The following GREB1L variants were observed in gnomAD, a reference collection of about 807,000 sequenced individuals.
GREB1L encodes GREB1 like retinoic acid receptor coactivator.
Under a neutral mutation model 200.8 loss-of-function variants are expected in GREB1L, and 17 were observed. The observed-to-expected ratio is 0.08, with a 90% CI of 0.06 to 0.13. GREB1L has a LOEUF of 0.13. Ranked by LOEUF, GREB1L falls within the 10% of genes least tolerant of loss-of-function variation. GREB1L has a pLI of 1.00. For synonymous variants in GREB1L, 789 were observed against 893.0 expected, an observed-to-expected ratio of 0.88 and a Z score of 2.08; for missense variants, 1,657 against 2,367.7, an observed-to-expected ratio of 0.70 and a Z score of 6.23.
At chr18:21,386,384 C>T (rs1209856602) in intron 4 of GREB1L, among the ~76,000 whole-genome samples, 1 of 152,118 alleles carries the variant, frequency 6.6e-6, no homozygotes, top group Admixed American at 6.6e-5. Context: ...CTCCACCTCC[C>T]GGGTTCAAGC....
At chr18:21,355,206 T>G (rs1014095259) in intron 1 of GREB1L, among the ~76,000 whole-genome samples, 6 of 151,714 alleles carry the variant, frequency 4.0e-5, no homozygotes, top group Non-Finnish European at 8.8e-5. Context: ...TTTTTTTTTT[T>G]TTTTTGAGAT....
At chr18:21,376,587 G>A (rs1447722207) in intron 2 of GREB1L, among the ~76,000 whole-genome samples, 1 of 151,440 alleles carries the variant, frequency 6.6e-6, no homozygotes, top group Admixed American at 6.6e-5. Context: ...GGCGGATCAC[G>A]AGGTCCGGAG....
chr18:21,244,966 TTTAGA>T (rs1271048521), intron 1 of GREB1L, among the ~76,000 whole-genome samples: 3 of 152,196 alleles, frequency 2.0e-5, no homozygotes, highest in African/African-American at 7.2e-5. Context: ...CTCTGAAGTG[TTTAGA>T]TTATGAACAT....
At chr18:21,451,450 T>G in intron 13 of GREB1L, 2 of 203,502 alleles carry the variant, frequency 9.8e-6, no homozygotes, top group African/African-American at 2.3e-5. Context: ...TCCTTCCTCC[T>G]TCCCTCCCTT....
At chr18:21,368,193 A>G (rs1461012563) in intron 2 of GREB1L, among the ~76,000 whole-genome samples, 1 of 152,212 alleles carries the variant, frequency 6.6e-6, no homozygotes, top group African/African-American at 2.4e-5. Flanking sequence ...GTGTTAAAGG[A>G]ACATACACAT....
At chr18:21,301,899 G>C (rs2038623455) in intron 1 of GREB1L, among the ~76,000 whole-genome samples, 1 of 152,186 alleles carries the variant, frequency 6.6e-6, no homozygotes. Context: ...GCATGATCTG[G>C]CCATTGCTGG....
intron 7 of GREB1L, among the ~76,000 whole-genome samples, chr18:21,436,865 C>T (rs930011116): frequency 4.6e-5 from 7 of 151,836 alleles, no homozygotes; most frequent in African/African-American, 1.5e-4. Flanking sequence ...CACATGCTGC[C>T]GTGCCCAGCT....
In GREB1L at chr18:21,249,716, C is replaced by T. The variant is rs531884335; in HGVS notation, c.-120+7323C>T. Among the ~76,000 whole-genome samples, 8 of 152,002 alleles carry T rather than the reference C, an allele frequency of 5.3e-5. No individual in the cohort carries two copies. In the South Asian group the frequency reaches 1.7e-3, roughly 32 times the overall value. The stretch of plus-strand genomic sequence containing the variant: ...CTAAAAAAAAAAATACAAAATTAGC[C>T]AGGCATCGTGGTGTATGCCTGTAAT... On this transcript the variant is annotated intron_variant, in intron 1 of 32. Coordinates refer to ENST00000424526, the MANE Select transcript of GREB1L (RefSeq NM_001142966.3).
chr18:21,243,625 A>G (rs1200768541), intron 1 of GREB1L, among the ~76,000 whole-genome samples: 1 of 152,092 alleles, frequency 6.6e-6, no homozygotes, highest in African/African-American at 2.4e-5. Context: ...TCATTCATCT[A>G]TATATGTTCT....
At chr18:21,400,536 G>T (rs568719757) in intron 5 of GREB1L, among the ~76,000 whole-genome samples, 1 of 152,168 alleles carries the variant, frequency 6.6e-6, no homozygotes, top group Non-Finnish European at 1.5e-5. Flanking sequence ...CATGGTTCTT[G>T]GTTCCCGTAC....
intron 15 of GREB1L, among the ~76,000 whole-genome samples, chr18:21,466,495 A>G (rs1463203368): frequency 6.6e-6 from 1 of 152,138 alleles, no homozygotes; most frequent in African/African-American, 2.4e-5. Flanking sequence ...AATGAAATTG[A>G]GAAAATTTTA....
intron 2 of GREB1L, among the ~76,000 whole-genome samples, chr18:21,368,698 C>T (rs557918168): frequency 2.4e-4 from 36 of 152,246 alleles, no homozygotes; most frequent in African/African-American, 8.2e-4. Flanking sequence ...TTCTAAGGCA[C>T]AATTTGATTT....
At chr18:21,327,220 C>T (rs940905728) in intron 1 of GREB1L, among the ~76,000 whole-genome samples, 1 of 152,178 alleles carries the variant, frequency 6.6e-6, no homozygotes, top group African/African-American at 2.4e-5. Context: ...GGCCCTCAGG[C>T]ATGTCATGAT....
At chr18:21,422,794 A>T (rs1277955978) in intron 7 of GREB1L, among the ~76,000 whole-genome samples, 1 of 152,178 alleles carries the variant, frequency 6.6e-6, no homozygotes, top group Non-Finnish European at 1.5e-5. Flanking sequence ...TGGATCAAAC[A>T]TATACTCATT....
At chr18:21,454,635 T>A in intron 15 of GREB1L, 72 bp downstream of exon 15, 1 of 1,146,814 alleles carries the variant, frequency 8.7e-7, no homozygotes, top group Non-Finnish European at 1.3e-6. Flanking sequence ...TTCTTTTGCT[T>A]AATCCAAACG....
intron 1 of GREB1L, among the ~76,000 whole-genome samples, chr18:21,274,792 T>G (rs1322045829): frequency 1.3e-5 from 2 of 152,048 alleles, no homozygotes; most frequent in Non-Finnish European, 2.9e-5. Flanking sequence ...GAGGCTGATG[T>G]GGGAGGATCG....
chr18:21,352,802 A>C (rs1312677342), intron 1 of GREB1L, among the ~76,000 whole-genome samples: 2 of 152,158 alleles, frequency 1.3e-5, no homozygotes, highest in African/African-American at 2.4e-5. Flanking sequence ...GGAAAAATTT[A>C]TATTCTATAA....
At chr18:21,356,993 G>A (rs932053720) in intron 1 of GREB1L, among the ~76,000 whole-genome samples, 2 of 152,038 alleles carry the variant, frequency 1.3e-5, no homozygotes, top group African/African-American at 4.8e-5. Context: ...GTCTATTCAA[G>A]TCCTTTGCCC....
intron 15 of GREB1L, among the ~76,000 whole-genome samples, chr18:21,461,628 C>A (rs1252240437): frequency 6.6e-6 from 1 of 152,212 alleles, no homozygotes; most frequent in African/African-American, 2.4e-5. Flanking sequence ...CATGCTCCTT[C>A]CCAGCTTTTC....
Sources: gnomAD v4.1 joint callset for allele counts (sites outside exome capture counted in the v4.1 genomes callset) on GRCh38, gnomAD v4.1.1 for gene constraint, MANE v1.5 for transcripts, NCBI Gene and HGNC (gene_info 2026-07-23, HGNC 2026-07-21) for gene names.